The following ZNF615 variants were observed in gnomAD, a reference collection of about 807,000 sequenced individuals.
The protein encoded by ZNF615 is zinc finger protein 615.
ZNF615 carries 15 observed loss-of-function variants against 15.3 expected under a neutral mutation model. That is an observed-to-expected ratio of 0.98 (90% confidence interval 0.66 to 1.51). The LOEUF (loss-of-function observed/expected upper bound fraction) is 1.51, where lower values mean the gene tolerates loss of function less well. Among genes scored for constraint, ZNF615 ranks in the 40% most tolerant of loss-of-function variants. The probability of loss-of-function intolerance (pLI) is 0.00; values close to 1 mark genes in which losing one functional copy is unlikely to be tolerated. For missense variants in ZNF615, 848 were observed against 895.9 expected (o/e 0.95, Z 0.68); for synonymous variants, 268 against 294.6 (o/e 0.91, Z 0.92).
rs750782513 is a variant in ZNF615 at position 51,993,433 on chromosome 19, C to G, written c.1676G>C (p.Gly559Ala). The G allele has an allele frequency of 9.3e-6, 15 of 1,613,926 alleles. No individual in the cohort carries two copies. The South Asian group carries it at 1.4e-4, about 15-fold the overall frequency. ...ATTGAGATGACTCTTCTCAGTGAAG[C>G]CTTTTCCACACTCATTGCAAATATA... is the stretch of plus-strand genomic sequence containing the variant. ...KPYICNECGK[G>A]FTEKSHLNVH... Residue 559 changes from glycine (G) to alanine (A), a missense_variant, in exon 7 of 7, where the codon GGC (glycine) becomes GCC (alanine). Transcript: ENST00000598071.
intron 6 of ZNF615, 34 bp downstream of exon 6, chr19:52,000,312 C>A: frequency 1.7e-6 from 1 of 601,214 alleles, no homozygotes; most frequent in South Asian, 2.1e-5. Context: ...TCTAGTGAAT[C>A]CTCGGCATCA....
chr19:52,000,313 C>T (rs1269317696), intron 6 of ZNF615, 33 bp downstream of exon 6: 3 of 600,872 alleles, frequency 5.0e-6, no homozygotes, highest in Non-Finnish European at 9.1e-6. Flanking sequence ...CTAGTGAATC[C>T]TCGGCATCAG....
intron 2 of ZNF615, among the ~76,000 whole-genome samples, chr19:52,005,488 C>A (rs1305782137): frequency 6.6e-6 from 1 of 152,182 alleles, no homozygotes; most frequent in Non-Finnish European, 1.5e-5. Flanking sequence ...CTCAACTCTA[C>A]TGTTGTAGCT....
intron 6 of ZNF615, chr19:52,000,029 A>C (rs2086546014): frequency 4.1e-6 from 1 of 240,994 alleles, no homozygotes; most frequent in Admixed American, 5.5e-5. Flanking sequence ...ACACCATGGA[A>C]TACTACAAAG....
At chr19:52,004,500 T>C in intron 2 of ZNF615, 1 of 152,238 alleles carries the variant, frequency 6.6e-6, no homozygotes, top group Non-Finnish European at 1.5e-5. Flanking sequence ...TTCAAGCGAT[T>C]CTCCTGCTTC....
At chr19:51,999,002 T>A (rs1437090691) in intron 6 of ZNF615, among the ~76,000 whole-genome samples, 1 of 152,172 alleles carries the variant, frequency 6.6e-6, no homozygotes, top group Non-Finnish European at 1.5e-5. Context: ...GAAACATGAT[T>A]AACTGGGACT....
At chr19:51,997,328 C>G (rs1193518345) in intron 6 of ZNF615, among the ~76,000 whole-genome samples, 2 of 152,106 alleles carry the variant, frequency 1.3e-5, no homozygotes, top group Non-Finnish European at 2.9e-5. Flanking sequence ...ATTTAAAAAA[C>G]AGAAGAATGT....
chr19:51,997,596 C>T (rs747476391), intron 6 of ZNF615, among the ~76,000 whole-genome samples: 3 of 152,206 alleles, frequency 2.0e-5, no homozygotes, highest in Non-Finnish European at 4.4e-5. Flanking sequence ...TATTCCATCC[C>T]TACACATTCC....
intron 5 of ZNF615, 38 bp downstream of exon 5, chr19:52,001,775 T>G (rs775727959): frequency 4.3e-5 from 68 of 1,565,916 alleles, no homozygotes; most frequent in Non-Finnish European, 5.6e-5. Flanking sequence ...CAGAACATGG[T>G]GTCTGTGGCT....
intron 6 of ZNF615, among the ~76,000 whole-genome samples, chr19:51,997,412 T>C (rs1225266597): frequency 6.6e-6 from 1 of 152,208 alleles, no homozygotes; most frequent in African/African-American, 2.4e-5. Context: ...CTATTCTTCT[T>C]CATTCTATGT....
At chr19:52,008,020 G>A in intron 1 of ZNF615, 121 bp downstream of exon 1, 1 of 888,850 alleles carries the variant, frequency 1.1e-6, no homozygotes, top group South Asian at 1.6e-5. Flanking sequence ...GAATTCCACT[G>A]GCGTCGCCAA....
At chr19:52,002,680 A>C (rs1288683227) in intron 3 of ZNF615, among the ~76,000 whole-genome samples, 2 of 152,370 alleles carry the variant, frequency 1.3e-5, no homozygotes, top group South Asian at 4.1e-4. Context: ...GGCAGATGCT[A>C]GTATCACAAG....
In ZNF615 at chr19:51,993,161, G is replaced by A; in HGVS notation, c.1948C>T (p.Leu650Phe). Residue 650 changes from leucine (L) to phenylalanine (F), a missense_variant, in exon 7 of 7, where the codon CTC becomes TTC. Transcript: ENST00000598071. Reference sequence around the variant, plus strand: ...GTGTGAAATCGCTGATGTTGTATGAGGCATGTCTTCTTCCTGAAGGTTTTA... The same window carrying A: ...GTGTGAAATCGCTGATGTTGTATGAAGCATGTCTTCTTCCTGAAGGTTTTA... ...CDKTFRKKTCLIQHQRFHTGK... is the reference protein window; with the variant it reads ...CDKTFRKKTCFIQHQRFHTGK... The A allele has an allele frequency of 6.2e-7, 1 of 1,614,188 alleles. No homozygotes were observed. Among genetic ancestry groups the A allele is most frequent in the South Asian group, 1.1e-5 (1 of 91,080 alleles).
intron 6 of ZNF615, among the ~76,000 whole-genome samples, chr19:51,996,752 C>T (rs1317316544): frequency 6.6e-6 from 1 of 152,130 alleles, no homozygotes; most frequent in Non-Finnish European, 1.5e-5. Context: ...TTTGGGAATT[C>T]GTTAAGTCCA....
In ZNF615 at chr19:51,994,168, A is replaced by G. The variant is rs200269499; in HGVS notation, c.941T>C (p.Leu314Pro). ...TGTATGAGTTCGTTGATGATAAATGAGCCGACACTTCTTGATGAAGGCTTT... is the reference window on the plus strand; with the variant it reads ...TGTATGAGTTCGTTGATGATAAATGGGCCGACACTTCTTGATGAAGGCTTT... Reference protein sequence around the residue: ...CGKAFIKKCRLIYHQRTHTGE... With the variant: ...CGKAFIKKCRPIYHQRTHTGE... The change falls in exon 7 of 7, where the codon CTC (leucine) becomes CCC (proline). Residue 314 changes from leucine (L) to proline (P), a missense_variant. Transcript: ENST00000598071. 6.2e-7 allele frequency: 1 copy of G among 1,614,020 alleles called. No individual in the cohort carries two copies.
In ZNF615 at chr19:51,993,482, G is replaced by T. The variant is rs748260190; in HGVS notation, c.1627C>A (p.Arg543=). The T allele has an allele frequency of 1.2e-6, 2 of 1,613,938 alleles. No homozygotes were observed. Among genetic ancestry groups the T allele is most frequent in the Non-Finnish European group, 8.5e-7 (1 of 1,179,982 alleles). Residue 543 remains arginine (R), a synonymous_variant, in exon 7 of 7, where the codon CGA becomes AGA. Coordinates refer to ENST00000598071, the MANE Select transcript of ZNF615 (RefSeq NM_001199324.2). ...TAAGGTTTCTCTCCTGTATGAGTTC[G>T]TTGATGTCCCATTAGCCGGATCTTT... ...PAKIRLMGHQ[R]THTGEKPYIC...
rs770506035 is a variant in ZNF615 at position 52,003,716 on chromosome 19, T to A, written c.-5A>T. ...AGTCACCTGGGCCTGCATCATTGTC[T>A]CCTAAATTTGGGAAATGACTGCTAA... On this transcript the variant is annotated 5_prime_UTR_variant, in exon 3 of 7. Transcript: ENST00000598071. The A allele has an allele frequency of 1.2e-6, 2 of 1,612,602 alleles. No homozygotes were observed. Among genetic ancestry groups the A allele is most frequent in the Non-Finnish European group, 1.7e-6 (2 of 1,179,216 alleles).
At chr19:52,000,200 C>A (rs1051212165) in intron 6 of ZNF615, 146 bp downstream of exon 6, 9 of 421,104 alleles carry the variant, frequency 2.1e-5, no homozygotes, top group Non-Finnish European at 3.8e-5. Flanking sequence ...AAGACAGGAA[C>A]AATAGACACT....
At chr19:52,003,502 A>G (rs951771414) in intron 3 of ZNF615, among the ~76,000 whole-genome samples, 195 bp downstream of exon 3, 12 of 152,206 alleles carry the variant, frequency 7.9e-5, no homozygotes, top group Admixed American at 7.8e-4. Context: ...ACGGGGTCCC[A>G]CACAGTCACA....
Sources: allele counts gnomAD v4.1 joint callset (sites outside exome capture counted in the v4.1 genomes callset), GRCh38; gene constraint gnomAD v4.1.1; transcripts MANE v1.5; gene names NCBI Gene and HGNC (gene_info 2026-07-23, HGNC 2026-07-21).